The following USH2A variants were observed in gnomAD, a reference collection of about 807,000 sequenced individuals.
The protein encoded by USH2A is usherin, also known as Usher syndrome 2A (autosomal recessive, mild).
In USH2A, 443 loss-of-function variants were observed where a neutral mutation model predicts 538.9. The ratio of observed to expected loss-of-function variants is 0.82; its 90% CI spans 0.76 to 0.89. The LOEUF is 0.89. Among genes scored for constraint, USH2A ranks in the 40% least tolerant of loss-of-function variants. The pLI is 0.00. For synonymous variants in USH2A, 2,413 were observed against 2,273.5 expected (o/e 1.06, Z -1.75); for missense variants, 6,633 against 6,324.8 (o/e 1.05, Z -1.65).
intron 61 of USH2A, among the ~76,000 whole-genome samples, chr1:215,699,864 A>T (rs1658949120): frequency 6.6e-6 from 1 of 152,166 alleles, no homozygotes; most frequent in Non-Finnish European, 1.5e-5. Context: ...ATGGTGAGAG[A>T]GGGCATCCTT....
intron 4 of USH2A, among the ~76,000 whole-genome samples, chr1:216,339,151 T>A (rs1215990086): frequency 1.3e-5 from 2 of 151,630 alleles, no homozygotes; most frequent in African/African-American, 4.8e-5. Flanking sequence ...TACTTTTTTT[T>A]ATAAAGTGGA....
intron 49 of USH2A, among the ~76,000 whole-genome samples, chr1:215,809,940 T>C (rs1662618161): frequency 6.6e-6 from 1 of 152,184 alleles, no homozygotes; most frequent in Non-Finnish European, 1.5e-5. Flanking sequence ...CCCCTCAGTG[T>C]AACCAGTGTT....
rs564448817 is a variant in USH2A, at chr1:216,015,182, C to T, written c.6326-14620G>A. Among the ~76,000 whole-genome samples the T allele has an allele frequency of 2.0e-5, 3 of 152,250 alleles. No homozygotes were observed. The East Asian group carries it at 5.8e-4, about 29-fold the overall frequency. ...AGGTAGCACTGACCACATCATCTTGCTATTTGGTATTCCAACCTGAGAACC... is the reference window on the plus strand; with the variant it reads ...AGGTAGCACTGACCACATCATCTTGTTATTTGGTATTCCAACCTGAGAACC... On this transcript the variant is annotated intron_variant, in intron 32 of 71. Coordinates refer to ENST00000307340, the MANE Select transcript of USH2A (RefSeq NM_206933.4).
intron 21 of USH2A, among the ~76,000 whole-genome samples, chr1:216,103,005 A>G (rs1328605624): frequency 1.3e-5 from 2 of 152,222 alleles, no homozygotes; most frequent in Non-Finnish European, 2.9e-5. Flanking sequence ...AGATATAGCA[A>G]TGAGAATGAA....
At chr1:215,633,654 G>A (rs1481519366) in intron 70 of USH2A, among the ~76,000 whole-genome samples, 1 of 152,112 alleles carries the variant, frequency 6.6e-6, no homozygotes, top group Non-Finnish European at 1.5e-5. Context: ...GTGCAAACTG[G>A]AAAAAAGGCA....
At chr1:215,706,928 T>C (rs1279261666) in intron 61 of USH2A, among the ~76,000 whole-genome samples, 1 of 152,240 alleles carries the variant, frequency 6.6e-6, no homozygotes, top group Non-Finnish European at 1.5e-5. Context: ...CATCATGGTT[T>C]AGTAATTACA....
chr1:215,998,929 T>C lies in USH2A; in HGVS notation c.6615A>G (p.Leu2205=), dbSNP rs1668199285. The C allele has an allele frequency of 6.2e-7, 1 of 1,613,204 alleles. No homozygotes were observed. The highest frequency in any genetic ancestry group is 1.3e-5 in the African/African-American group (1 of 74,880). The change falls in exon 34 of 72, where the codon CTA becomes CTG. Residue 2205 remains leucine (L), a synonymous_variant. Coordinates refer to ENST00000307340, the MANE Select transcript of USH2A (RefSeq NM_206933.4). ...ATTTATTACCAGGTAAAACGTATTG[T>C]AGCATATGATCCTGGAAAAGTTCTG... ...NSTELFQDHM[L]QYVLPGNKYL...
At chr1:215,650,159 T>C (rs913266182) in intron 65 of USH2A, among the ~76,000 whole-genome samples, 1 of 152,236 alleles carries the variant, frequency 6.6e-6, no homozygotes, top group Non-Finnish European at 1.5e-5. Flanking sequence ...GATTTGTGCA[T>C]GTCAAAATAG....
chr1:215,806,141 A>G (rs1466518183), intron 49 of USH2A, among the ~76,000 whole-genome samples: 1 of 152,156 alleles, frequency 6.6e-6, no homozygotes, highest in African/African-American at 2.4e-5. Flanking sequence ...TATATTATCT[A>G]TCAAAAACCC....
intron 32 of USH2A, among the ~76,000 whole-genome samples, chr1:216,017,818 A>G (rs1270903423): frequency 2.0e-5 from 3 of 152,328 alleles, no homozygotes; most frequent in East Asian, 1.9e-4. Context: ...ATGGTTCTCA[A>G]TGAAAACCTA....
At chr1:215,677,798 G>C (rs977026099) in intron 62 of USH2A, among the ~76,000 whole-genome samples, 2 of 152,082 alleles carry the variant, frequency 1.3e-5, no homozygotes, top group African/African-American at 4.8e-5. Flanking sequence ...TCTCTCCATA[G>C]CTGATCTCCT....
chr1:215,878,169 G>T (rs910602855), intron 42 of USH2A, among the ~76,000 whole-genome samples: 1 of 151,990 alleles, frequency 6.6e-6, no homozygotes, highest in Non-Finnish European at 1.5e-5. Context: ...AATCTTTACT[G>T]CCAGTTTCGC....
chr1:215,748,237 C>T (rs1013209784), intron 58 of USH2A, among the ~76,000 whole-genome samples: 25 of 152,048 alleles, frequency 1.6e-4, no homozygotes, highest in Non-Finnish European at 3.7e-4. Context: ...GCAACCTCTG[C>T]CTCACGGTGA....
intron 38 of USH2A, among the ~76,000 whole-genome samples, chr1:215,902,383 C>A (rs1336115698): frequency 2.6e-5 from 4 of 152,210 alleles, no homozygotes; most frequent in South Asian, 4.1e-4. Flanking sequence ...GGTTTGAGTT[C>A]ATTAATAATT....
Position 215,779,968 on chromosome 1 carries a change from G to C in USH2A, c.10814C>G (p.Ala3605Gly). The C allele has an allele frequency of 1.2e-6, 2 of 1,614,130 alleles. No individual in the cohort carries two copies. Among genetic ancestry groups the C allele is most frequent in the Non-Finnish European group, 1.7e-6 (2 of 1,180,030 alleles). ...AGGGACACTCCAGCTCAGATGCAGA[G>C]CCACTGCACTTAGGGCTGTGATGCT... ...PPSITALSAV[A>G]LHLSWSVPEK... Residue 3605 changes from alanine (A) to glycine (G), a missense_variant, in exon 55 of 72, where the codon GCT becomes GGT. Ala to Gly is a moderately conservative substitution (Grantham distance 60). Transcript: ENST00000307340.
chr1:216,267,338 G>C (rs898700703), intron 11 of USH2A, among the ~76,000 whole-genome samples: 8 of 151,782 alleles, frequency 5.3e-5, no homozygotes, highest in Non-Finnish European at 7.4e-5. Context: ...GAGAGTGAAG[G>C]CCTGACAGAT....
intron 35 of USH2A, among the ~76,000 whole-genome samples, chr1:215,980,270 A>G (rs1667719407): frequency 2.0e-5 from 3 of 152,126 alleles, no homozygotes; most frequent in Admixed American, 2.0e-4. Context: ...GATGAGAGAA[A>G]TAGATGACAA....
chr1:215,667,726 A>C (rs1029867576), intron 64 of USH2A, among the ~76,000 whole-genome samples: 1 of 152,068 alleles, frequency 6.6e-6, no homozygotes, highest in African/African-American at 2.4e-5. Flanking sequence ...AAAAAAACAA[A>C]GAAGAAGGAA....
intron 35 of USH2A, among the ~76,000 whole-genome samples, chr1:215,974,050 A>C (rs1341395750): frequency 6.6e-6 from 1 of 151,816 alleles, no homozygotes; most frequent in East Asian, 1.9e-4. Flanking sequence ...GAATTGTGGA[A>C]CCACACTGTA....
Sources: allele counts gnomAD v4.1 joint callset (sites outside exome capture counted in the v4.1 genomes callset), GRCh38; gene constraint gnomAD v4.1.1; transcripts MANE v1.5; gene names NCBI Gene and HGNC (gene_info 2026-07-23, HGNC 2026-07-21).